Variants in STK33 observed in about 807,000 individuals in gnomAD.
STK33 encodes serine/threonine kinase 33.
Under a neutral mutation model 58.0 loss-of-function variants are expected in STK33, and 52 were observed. The observed-to-expected ratio is 0.90, with a 90% CI of 0.72 to 1.13. The LOEUF (loss-of-function observed/expected upper bound fraction) is 1.13. Among genes scored for constraint, STK33 ranks in the 50% most tolerant of loss-of-function variants. STK33 has a pLI of 0.00. For synonymous variants in STK33, 215 were observed against 200.1 expected, an observed-to-expected ratio of 1.07 and a Z score of -0.63; for missense variants, 630 against 604.2, an observed-to-expected ratio of 1.04 and a Z score of -0.45.
At chr11:8,587,388 A>T (rs2031855066) in intron 1 of STK33, among the ~76,000 whole-genome samples, 1 of 152,182 alleles carries the variant, frequency 6.6e-6, no homozygotes, top group African/African-American at 2.4e-5. Context: ...AAGGAACCAA[A>T]GCTAGAAATG....
chr11:8,508,260 T>C (rs1952021791), intron 1 of STK33, among the ~76,000 whole-genome samples: 1 of 134,322 alleles, frequency 7.4e-6, no homozygotes, highest in Admixed American at 7.8e-5. Flanking sequence ...TACTCTACCT[T>C]CTATTCTTTT....
At chr11:8,510,656 T>C (rs891321320) in intron 1 of STK33, among the ~76,000 whole-genome samples, 2 of 152,220 alleles carry the variant, frequency 1.3e-5, no homozygotes, top group African/African-American at 4.8e-5. Context: ...GAGTCTTTGA[T>C]TCATCTTGAG....
intron 8 of STK33, among the ~76,000 whole-genome samples, chr11:8,460,203 C>A (rs2137222218): frequency 6.6e-6 from 1 of 152,180 alleles, no homozygotes; most frequent in Admixed American, 6.5e-5. Context: ...CAAAAATTAA[C>A]AGGCATATAA....
chr11:8,512,703 C>T (rs1160675745), intron 1 of STK33, among the ~76,000 whole-genome samples: 1 of 152,144 alleles, frequency 6.6e-6, no homozygotes, highest in South Asian at 2.1e-4. Context: ...CTTAGGTTCT[C>T]GCCTGTACTG....
the STK33 span, among the ~76,000 whole-genome samples, chr11:8,370,794 T>C: frequency 6.6e-6 from 1 of 152,122 alleles, no homozygotes; most frequent in Non-Finnish European, 1.5e-5. Context: ...GGCTCTCTTG[T>C]CAGGAGGACT....
At chr11:8,497,227 CATT>C (rs1417989716) in intron 1 of STK33, among the ~76,000 whole-genome samples, 5 of 152,006 alleles carry the variant, frequency 3.3e-5, no homozygotes, top group Admixed American at 2.0e-4. Context: ...TAGTGAAAAA[CATT>C]AGTCTGCACA....
the STK33 span, among the ~76,000 whole-genome samples, chr11:8,380,435 C>T: frequency 6.6e-6 from 1 of 151,940 alleles, no homozygotes; most frequent in Non-Finnish European, 1.5e-5. Flanking sequence ...TCATGGGCAC[C>T]TGTAATCCCA....
chr11:8,537,155 T>C (rs1367124090), intron 1 of STK33, among the ~76,000 whole-genome samples: 2 of 151,286 alleles, frequency 1.3e-5, no homozygotes, highest in African/African-American at 4.9e-5. Context: ...AACTTTTGTA[T>C]TTTTAGTAGA....
the STK33 span, among the ~76,000 whole-genome samples, chr11:8,356,242 GA>G: frequency 1.3e-5 from 2 of 152,188 alleles, no homozygotes; most frequent in African/African-American, 4.8e-5. Flanking sequence ...CAGAGACAGG[GA>G]AATCCACCCA....
At chr11:8,496,538 G>A (rs1307071407) in intron 1 of STK33, among the ~76,000 whole-genome samples, 1 of 151,530 alleles carries the variant, frequency 6.6e-6, no homozygotes, top group Non-Finnish European at 1.5e-5. Context: ...GGACAATCAT[G>A]TAAAAATTAT....
chr11:8,344,166 C>T, the STK33 span, among the ~76,000 whole-genome samples: 1 of 148,448 alleles, frequency 6.7e-6, no homozygotes, highest in East Asian at 2.0e-4. Context: ...GCCTGGGCGA[C>T]ACAGGGAGAA....
In STK33 at chr11:8,499,298, A is replaced by T. The variant is rs181432807; in HGVS notation, c.-465-18684T>A. ...AGACACTTCTCAAAAGAAGACATTT[A>T]TGCAGCCAACAAACATGAAAAAATC... is the stretch of plus-strand genomic sequence containing the variant. On this transcript the variant is annotated intron_variant, in intron 1 of 15. Coordinates refer to ENST00000687296, the MANE Select transcript of STK33 (RefSeq NM_001352389.2). 1.2e-4 allele frequency among the ~76,000 whole-genome samples: 19 copies of T among 152,364 alleles called. No individual in the cohort carries two copies. The East Asian group carries it at 2.3e-3, about 19-fold the overall frequency.
At chr11:8,504,749 G>A (rs1022775765) in intron 1 of STK33, among the ~76,000 whole-genome samples, 6 of 152,054 alleles carry the variant, frequency 3.9e-5, no homozygotes, top group South Asian at 2.1e-4. Context: ...AGTGAGCTAC[G>A]ATCACGCCAC....
chr11:8,545,390 G>A (rs1029564916), intron 1 of STK33, among the ~76,000 whole-genome samples: 6 of 152,118 alleles, frequency 3.9e-5, no homozygotes, highest in African/African-American at 1.2e-4. Flanking sequence ...TAATCTCTGT[G>A]AATCAGTGTC....
chr11:8,535,622 TA>T (rs545780044), intron 1 of STK33, among the ~76,000 whole-genome samples: 236 of 152,284 alleles, frequency 1.5e-3, no homozygotes, highest in African/African-American at 5.1e-3. Flanking sequence ...GGAACTCTTA[TA>T]AACTGTTGGT....
At chr11:8,591,850 T>G (rs1397626299) in intron 1 of STK33, among the ~76,000 whole-genome samples, 295 of 106,564 alleles carry the variant, frequency 2.8e-3, no homozygotes, top group Middle Eastern at 8.8e-3. Flanking sequence ...TGGGGGGGAG[T>G]GGGGAGGGAT....
In STK33 at chr11:8,508,080, G is replaced by A. The variant is rs188256678; in HGVS notation, c.-465-27466C>T. Among the ~76,000 whole-genome samples, 819 of 151,920 alleles carry A rather than the reference G, an allele frequency of 5.4e-3. 5 individuals are homozygous for A. Among genetic ancestry groups the A allele is most frequent in the Non-Finnish European group, 9.6e-3 (652 of 67,976 alleles). ...TAATTTTTGTATTTTTAGTAGAGAC[G>A]GGTTTTCACCATGTTAGCCAGGCTG... is the stretch of plus-strand genomic sequence containing the variant. On this transcript the variant is annotated intron_variant, in intron 1 of 15. Coordinates refer to ENST00000687296, the MANE Select transcript of STK33 (RefSeq NM_001352389.2).
chr11:8,351,908 C>A, the STK33 span, among the ~76,000 whole-genome samples: 1 of 152,324 alleles, frequency 6.6e-6, no homozygotes, highest in East Asian at 1.9e-4. Context: ...TGCCTTCAGC[C>A]CCGCTGGAAA....
intron 11 of STK33, among the ~76,000 whole-genome samples, chr11:8,445,507 G>A (rs756355370): frequency 2.0e-5 from 3 of 152,140 alleles, no homozygotes; most frequent in East Asian, 3.8e-4. Context: ...TATGATATTC[G>A]CTGTTGGTGT....
Sources: allele counts gnomAD v4.1 joint callset (sites outside exome capture counted in the v4.1 genomes callset), GRCh38; gene constraint gnomAD v4.1.1; transcripts MANE v1.5; gene names NCBI Gene and HGNC (gene_info 2026-07-23, HGNC 2026-07-21).